Variants in TMEM243 observed in about 807,000 individuals in gnomAD.
TMEM243 encodes the protein transmembrane protein 243.
Under a neutral mutation model 15.0 loss-of-function variants are expected in TMEM243, and 20 were observed. The observed-to-expected ratio is 1.33, with a 90% CI of 0.94 to 1.93. TMEM243 has a LOEUF of 1.93. Among genes scored for constraint, TMEM243 ranks in the 30% most tolerant of loss-of-function variants. The probability of loss-of-function intolerance (pLI) is 0.00; values close to 1 mark genes in which losing one functional copy is unlikely to be tolerated. For synonymous variants in TMEM243, 72 were observed against 52.7 expected (o/e 1.37, Z -1.59); for missense variants, 156 against 142.1 (o/e 1.10, Z -0.50).
At chr7:87,219,343 A>C in intron 1 of TMEM243, 83 bp downstream of exon 1, 1 of 1,381,114 alleles carries the variant, frequency 7.2e-7, no homozygotes, top group Non-Finnish European at 1.0e-6. Context: ...TAGGAGCCGC[A>C]GAAAGACGCA....
chr7:87,196,622 T>C lies in TMEM243; in HGVS notation c.*14A>G, dbSNP rs1427316626. 1 of 1,607,142 alleles carries C rather than the reference T, an allele frequency of 6.2e-7. No individual in the cohort carries two copies. Among genetic ancestry groups the C allele is most frequent in the Non-Finnish European group, 8.5e-7 (1 of 1,177,096 alleles). On this transcript the variant is annotated 3_prime_UTR_variant, in exon 4 of 4. Transcript: ENST00000257637. ...ATTTTGAAGAGTCCTGGTAAGTACT[T>C]CTCCTTGGCAGCCTCACCTTCCCAC...
intron 1 of TMEM243, among the ~76,000 whole-genome samples, chr7:87,204,255 T>C (rs191158529): frequency 3.3e-5 from 5 of 152,308 alleles, no homozygotes; most frequent in Admixed American, 2.0e-4. Flanking sequence ...ATGGGAATTA[T>C]GGGAGCTACA....
chr7:87,220,053 G>A (rs897267000), upstream of TMEM243, among the ~76,000 whole-genome samples: 3 of 152,240 alleles, frequency 2.0e-5, no homozygotes, highest in Non-Finnish European at 2.9e-5. Flanking sequence ...CCCTCGCCTA[G>A]CCTTCTGCGT....
chr7:87,207,870 T>TAG (rs1802341361), intron 1 of TMEM243, among the ~76,000 whole-genome samples: 1 of 152,158 alleles, frequency 6.6e-6, no homozygotes, highest in South Asian at 2.1e-4. Context: ...TCAGACATCC[T>TAG]ACCCCTGGGA....
chr7:87,209,538 A>AGAC (rs1554365780), intron 1 of TMEM243, among the ~76,000 whole-genome samples: 3 of 145,166 alleles, frequency 2.1e-5, no homozygotes, highest in African/African-American at 5.2e-5. Context: ...GTGAGAGAGA[A>AGAC]AGTGAGAGAC....
intron 1 of TMEM243, among the ~76,000 whole-genome samples, chr7:87,201,692 T>C (rs1801820234): frequency 1.3e-5 from 2 of 152,062 alleles, no homozygotes; most frequent in South Asian, 4.1e-4. Flanking sequence ...ATTTAAACTT[T>C]GCTGTTTATG....
In TMEM243 at chr7:87,199,429, A is replaced by G. The variant is rs1298763161; in HGVS notation, c.79-372T>C. ...GGCCAGAGCATTGGTTAAAGGTATCAGGAACCGGACTAGATGTAGAGTACC... is the reference window on the plus strand; with the variant it reads ...GGCCAGAGCATTGGTTAAAGGTATCGGGAACCGGACTAGATGTAGAGTACC... On this transcript the variant is annotated intron_variant, in intron 1 of 3. Coordinates refer to ENST00000257637, the MANE Select transcript of TMEM243 (RefSeq NM_024315.4). 3 of 191,686 alleles carry G rather than the reference A, an allele frequency of 1.6e-5. No individual in the cohort carries two copies. In the East Asian group the frequency reaches 4.0e-4, roughly 25 times the overall value. 11.9% of individuals were successfully genotyped at this position (191,686 alleles called of 1,614,324 possible). A position where few individuals can be genotyped will look rare whatever the true frequency, so the allele number is the denominator to read the frequency against.
intron 1 of TMEM243, among the ~76,000 whole-genome samples, chr7:87,209,305 G>A (rs1802438647): frequency 6.6e-6 from 1 of 151,788 alleles, no homozygotes. Flanking sequence ...AGCATGAGGG[G>A]GTGGGAAAGG....
rs556514924 is a variant in TMEM243 at position 87,204,670 on chromosome 7, T to G, written c.79-5613A>C. On this transcript the variant is annotated intron_variant, in intron 1 of 3. Transcript: ENST00000257637. ...TGCAAGAGGTAGGTTCCCATGGTCT[T>G]GGGTGGCTCTGCCCCTGTGGCTTTG... is the stretch of plus-strand genomic sequence containing the variant. Among the ~76,000 whole-genome samples the G allele has an allele frequency of 1.4e-4, 22 of 152,366 alleles. No individual in the cohort carries two copies. In the East Asian group the frequency reaches 3.9e-3, roughly 27 times the overall value.
At chr7:87,218,252 T>C (rs975937682) in intron 1 of TMEM243, among the ~76,000 whole-genome samples, 1 of 152,198 alleles carries the variant, frequency 6.6e-6, no homozygotes, top group Non-Finnish European at 1.5e-5. Context: ...GGAATGCGTC[T>C]CAAACCAGGA....
intron 1 of TMEM243, among the ~76,000 whole-genome samples, chr7:87,201,638 G>A (rs1030312266): frequency 6.6e-6 from 1 of 152,184 alleles, no homozygotes; most frequent in African/African-American, 2.4e-5. Context: ...GGAATAATAT[G>A]CTCCAAATTG....
chr7:87,209,774 C>CAGTG (rs199590864), intron 1 of TMEM243, among the ~76,000 whole-genome samples: 1,834 of 72,878 alleles, frequency 0.025, 82 homozygotes, highest in African/African-American at 0.038. Context: ...GAGAGCGAGA[C>CAGTG]AGAGCGAGAC....
At chr7:87,200,162 T>C (rs1464316379) in intron 1 of TMEM243, among the ~76,000 whole-genome samples, 1 of 152,004 alleles carries the variant, frequency 6.6e-6, no homozygotes, top group African/African-American at 2.4e-5. Flanking sequence ...AAGCCAAGTA[T>C]TGGATGTGTG....
chr7:87,215,972 T>C (rs1803084035), intron 1 of TMEM243, among the ~76,000 whole-genome samples: 2 of 151,982 alleles, frequency 1.3e-5, no homozygotes, highest in South Asian at 2.1e-4. Context: ...GCCCCATCTC[T>C]ACAACAAATT....
intron 1 of TMEM243, among the ~76,000 whole-genome samples, chr7:87,217,672 T>C (rs558391704): frequency 3.2e-4 from 49 of 152,352 alleles, no homozygotes; most frequent in African/African-American, 1.1e-3. Context: ...AATTAATATA[T>C]ATTAACTTTT....
intron 1 of TMEM243, among the ~76,000 whole-genome samples, chr7:87,218,111 C>T (rs1486323942): frequency 3.3e-5 from 5 of 152,240 alleles, no homozygotes; most frequent in Middle Eastern, 3.2e-3. Flanking sequence ...ATGTCCCTGT[C>T]GTAGCACAGA....
intron 1 of TMEM243, among the ~76,000 whole-genome samples, chr7:87,218,273 C>G (rs1380162872): frequency 1.4e-4 from 22 of 152,212 alleles, no homozygotes; most frequent in Admixed American, 1.4e-3. Context: ...GCACTGTGGG[C>G]TGGGATTATA....
chr7:87,208,408 A>C (rs1356905455), intron 1 of TMEM243, among the ~76,000 whole-genome samples: 1 of 152,218 alleles, frequency 6.6e-6, no homozygotes, highest in Non-Finnish European at 1.5e-5. Flanking sequence ...TTAAAGCTCC[A>C]ATGTCTCATA....
At chr7:87,212,548 G>GT (rs1396387530) in intron 1 of TMEM243, among the ~76,000 whole-genome samples, 2 of 152,106 alleles carry the variant, frequency 1.3e-5, no homozygotes, top group East Asian at 1.9e-4. Context: ...CTCAGTTTAA[G>GT]TTTTTTTTAA....
Sources: allele counts gnomAD v4.1 joint callset (sites outside exome capture counted in the v4.1 genomes callset), GRCh38; gene constraint gnomAD v4.1.1; transcripts MANE v1.5; gene names NCBI Gene and HGNC (gene_info 2026-07-23, HGNC 2026-07-21).